Variants in LRRC7 observed in about 807,000 individuals in gnomAD.
LRRC7 encodes leucine-rich repeat-containing protein 7.
Under a neutral mutation model 175.7 loss-of-function variants are expected in LRRC7, and 23 were observed. The observed-to-expected ratio is 0.13, with a 90% CI of 0.09 to 0.19. The LOEUF (loss-of-function observed/expected upper bound fraction) is 0.19, where lower values mean the gene tolerates loss of function less well. LRRC7 is among the 10% of genes least tolerant of loss of function. The probability of loss-of-function intolerance (pLI) is 1.00; values close to 1 mark genes in which losing one functional copy is unlikely to be tolerated. For synonymous variants in LRRC7, 685 were observed against 680.9 expected, an observed-to-expected ratio of 1.01 and a Z score of -0.09; for missense variants, 1,354 against 1,904.7, an observed-to-expected ratio of 0.71 and a Z score of 5.38.
chr1:69,818,475 G>A (rs1678858342), intron 4 of LRRC7, among the ~76,000 whole-genome samples: 1 of 151,992 alleles, frequency 6.6e-6, no homozygotes, highest in Non-Finnish European at 1.5e-5. Context: ...TTTGACTATG[G>A]TATATGATCC....
intron 8 of LRRC7, among the ~76,000 whole-genome samples, chr1:69,960,445 G>A (rs1463938706): frequency 1.3e-5 from 2 of 151,878 alleles, no homozygotes; most frequent in Non-Finnish European, 2.9e-5. Flanking sequence ...TCCTGGATTC[G>A]TTGATCTTCC....
intron 1 of LRRC7, among the ~76,000 whole-genome samples, chr1:69,611,409 T>G (rs548947735): frequency 4.4e-4 from 67 of 152,210 alleles, no homozygotes; most frequent in African/African-American, 1.6e-3. Context: ...CATGAAGTGA[T>G]AGTTGTATTC....
chr1:69,910,400 C>G (rs560449226), intron 7 of LRRC7, among the ~76,000 whole-genome samples: 1 of 152,150 alleles, frequency 6.6e-6, no homozygotes, highest in Admixed American at 6.5e-5. Flanking sequence ...TTTCCTTCTA[C>G]CAGACAGGAC....
chr1:69,892,515 C>G (rs899601881), intron 7 of LRRC7, among the ~76,000 whole-genome samples: 1 of 152,186 alleles, frequency 6.6e-6, no homozygotes, highest in Non-Finnish European at 1.5e-5. Flanking sequence ...CCTTCTGGTA[C>G]TGTAATTGAC....
chr1:69,707,705 T>C (rs1198208224), intron 2 of LRRC7, among the ~76,000 whole-genome samples: 2 of 152,156 alleles, frequency 1.3e-5, no homozygotes, highest in African/African-American at 4.8e-5. Flanking sequence ...ACATGCATAA[T>C]AAAAATGTTT....
rs534238083 is a variant in LRRC7 at position 69,933,074 on chromosome 1, C to G, written c.711+1504C>G. Among the ~76,000 whole-genome samples, 71 of 152,334 alleles carry G rather than the reference C, an allele frequency of 4.7e-4. 2 individuals are homozygous for G. The highest frequency in any genetic ancestry group is 1.5e-3 in the African/African-American group (64 of 41,580). On this transcript the variant is annotated intron_variant, in intron 8 of 26. Transcript: ENST00000651989. ...CCAGCACAGGATGAGCAGTCCATCC[C>G]CAGTTTGTGTTGTGATGGGCCCTCA...
At chr1:70,044,894 T>A (rs1660208749) in intron 22 of LRRC7, among the ~76,000 whole-genome samples, 1 of 152,158 alleles carries the variant, frequency 6.6e-6, no homozygotes, top group Non-Finnish European at 1.5e-5. Context: ...ATATTTATAT[T>A]GTCATTAGCC....
At chr1:69,867,162 A>G (rs538011425) in intron 7 of LRRC7, among the ~76,000 whole-genome samples, 2 of 152,246 alleles carry the variant, frequency 1.3e-5, no homozygotes. Context: ...CTCTCTTTTA[A>G]TATTCTTCCT....
chr1:70,114,313 T>C (rs1324612741), intron 26 of LRRC7, among the ~76,000 whole-genome samples: 1 of 152,120 alleles, frequency 6.6e-6, no homozygotes, highest in Non-Finnish European at 1.5e-5. Context: ...AATGATATAA[T>C]ACATTGAAGA....
intron 1 of LRRC7, among the ~76,000 whole-genome samples, chr1:69,598,395 C>T (rs61077796): frequency 0.032 from 4,806 of 152,066 alleles, 229 homozygotes; most frequent in African/African-American, 0.11. Flanking sequence ...ATCTATCTAT[C>T]TAGAGAGAGA....
intron 1 of LRRC7, among the ~76,000 whole-genome samples, chr1:69,591,424 A>G (rs12144234): frequency 0.078 from 11,844 of 152,094 alleles, 554 homozygotes; most frequent in Middle Eastern, 0.11. Context: ...TTCCTCATAG[A>G]TGTCAAGAGG....
At chr1:69,932,912 C>T (rs188284813) in intron 8 of LRRC7, among the ~76,000 whole-genome samples, 291 of 152,356 alleles carry the variant, frequency 1.9e-3, no homozygotes, top group Middle Eastern at 3.4e-3. Context: ...CCTGTTAAAT[C>T]GTCAGTTCTG....
rs560179296 is a variant in LRRC7, at chr1:69,749,839, G to A, written c.101-10352G>A. ...AGCACTTTGGGAGGCTGAGGTGGGCGGATCACGAGGTCAGGAGATCGAGAC... is the reference window on the plus strand; with the variant it reads ...AGCACTTTGGGAGGCTGAGGTGGGCAGATCACGAGGTCAGGAGATCGAGAC... On this transcript the variant is annotated intron_variant, in intron 2 of 26. Transcript: ENST00000651989. 5.3e-5 allele frequency among the ~76,000 whole-genome samples: 8 copies of A among 151,806 alleles called. No homozygotes were observed. In the South Asian group the frequency reaches 6.2e-4, roughly 12 times the overall value.
intron 2 of LRRC7, among the ~76,000 whole-genome samples, chr1:69,681,283 A>G (rs1463400545): frequency 1.3e-5 from 2 of 152,160 alleles, no homozygotes; most frequent in Non-Finnish European, 2.9e-5. Context: ...GAAAACTATC[A>G]TAGAAAGTCA....
At chr1:69,634,651 A>G (rs1205144009) in intron 1 of LRRC7, among the ~76,000 whole-genome samples, 1 of 152,112 alleles carries the variant, frequency 6.6e-6, no homozygotes, top group Non-Finnish European at 1.5e-5. Flanking sequence ...CTTTATGTCT[A>G]TGAAATCCAA....
chr1:69,908,191 G>C (rs1020598072), intron 7 of LRRC7, among the ~76,000 whole-genome samples: 1 of 151,764 alleles, frequency 6.6e-6, no homozygotes, highest in Non-Finnish European at 1.5e-5. Flanking sequence ...TATCAATTTT[G>C]TTGATCTTTT....
intron 18 of LRRC7, among the ~76,000 whole-genome samples, chr1:70,030,648 G>T (rs974334862): frequency 3.3e-5 from 5 of 152,042 alleles, no homozygotes; most frequent in Admixed American, 6.6e-5. Flanking sequence ...CACTGCAAAG[G>T]ATATGGAAGA....
intron 22 of LRRC7, among the ~76,000 whole-genome samples, chr1:70,051,175 C>T (rs1660717416): frequency 6.6e-6 from 1 of 151,844 alleles, no homozygotes; most frequent in African/African-American, 2.4e-5. Flanking sequence ...TAACTGGAAA[C>T]ATGTCTGGGT....
intron 1 of LRRC7, among the ~76,000 whole-genome samples, chr1:69,583,570 T>TA (rs1451855542): frequency 6.6e-6 from 1 of 152,164 alleles, no homozygotes; most frequent in Non-Finnish European, 1.5e-5. Flanking sequence ...CTGCTGTGTT[T>TA]AAAATGACTG....
Sources: allele counts gnomAD v4.1 joint callset (sites outside exome capture counted in the v4.1 genomes callset), GRCh38; gene constraint gnomAD v4.1.1; transcripts MANE v1.5; gene names NCBI Gene and HGNC (gene_info 2026-07-23, HGNC 2026-07-21).